SPPL2B: variants seen among roughly 807,000 people sequenced by gnomAD.
SPPL2B encodes the protein signal peptide peptidase-like 2B.
In SPPL2B, 39 loss-of-function variants were observed where a neutral mutation model predicts 59.7. The ratio of observed to expected loss-of-function variants is 0.65; its 90% CI spans 0.51 to 0.85. The LOEUF is 0.85. Ranked by LOEUF, SPPL2B falls within the 40% of genes least tolerant of loss-of-function variation. The pLI is 0.00. For synonymous variants in SPPL2B, 419 were observed against 370.8 expected, an observed-to-expected ratio of 1.13 and a Z score of -1.49; for missense variants, 865 against 849.0, an observed-to-expected ratio of 1.02 and a Z score of -0.23.
rs1463964927 is a variant in SPPL2B at position 2,340,590 on chromosome 19, T to C, written c.840-308T>C. ...CGGGGCTAGCCCAGGGGGAGACCTT[T>C]TTGTGTTGCCGTCCCTGGGTGAGGA... On this transcript the variant is annotated intron_variant, in intron 7 of 14. Coordinates refer to ENST00000613503, the MANE Select transcript of SPPL2B (RefSeq NM_152988.3). The C allele has an allele frequency of 6.2e-5, 33 of 533,772 alleles. No homozygotes were observed. The East Asian group carries it at 1.1e-3, about 18-fold the overall frequency. The allele number at this position is 533,772 out of a possible 1,614,324, so 33.1% of individuals were successfully genotyped here.
intron 9 of SPPL2B, 25 bp downstream of exon 9, chr19:2,343,317 C>CGGGGCAGCATGGGTAGTGGG: frequency 6.5e-7 from 1 of 1,539,928 alleles, no homozygotes; most frequent in Non-Finnish European, 8.8e-7. Flanking sequence ...GGCACGGCTG[C>CGGGGCAGCATGGGTAGTGGG]GGGGCAGCAT....
rs777747558 is a variant in SPPL2B at position 2,351,498 on chromosome 19, TCTC to T, written c.1423_1425del (p.Leu475del). 4 of 1,610,742 alleles carry T rather than the reference TCTC, an allele frequency of 2.5e-6. No homozygotes were observed. The highest frequency in any genetic ancestry group is 1.1e-5 in the South Asian group (1 of 91,060). On this transcript the variant is annotated inframe_deletion, in exon 14 of 15. Coordinates refer to ENST00000613503, the MANE Select transcript of SPPL2B (RefSeq NM_152988.3). Reference sequence around the variant, plus strand: ...CCCTGATGCAGCGTGGCCAGCCCGCTCTCCTCTACCTGGTGCCCTGCACGCTGG... The same window carrying T: ...CCCTGATGCAGCGTGGCCAGCCCGCTCTCTACCTGGTGCCCTGCACGCTGG...
At chr19:2,345,717 C>T (rs1393904693) in intron 13 of SPPL2B, among the ~76,000 whole-genome samples, 1 of 149,296 alleles carries the variant, frequency 6.7e-6, no homozygotes, top group Non-Finnish European at 1.5e-5. Context: ...GCCTGTGCCT[C>T]CGTCCCCGTC....
At chr19:2,344,973 C>T (rs1476544761) in intron 12 of SPPL2B, among the ~76,000 whole-genome samples, 1 of 152,132 alleles carries the variant, frequency 6.6e-6, no homozygotes, top group Non-Finnish European at 1.5e-5. Context: ...CATGTTGCTG[C>T]AGAAGGCAGA....
chr19:2,339,617 A>G (rs751244532), intron 5 of SPPL2B: 4 of 627,850 alleles, frequency 6.4e-6, no homozygotes, highest in Non-Finnish European at 1.1e-5. Context: ...ACCCCAGCTC[A>G]ACCCAGGGAC....
rs147448344 is a variant in SPPL2B, at chr19:2,345,870, C to T, written c.1354+540C>T. ...CTCATTCTCCCTGGGCCTGTGCCTCCGTCCCCGTCTTTCTCATTCTCCTTT... is the reference window on the plus strand; with the variant it reads ...CTCATTCTCCCTGGGCCTGTGCCTCTGTCCCCGTCTTTCTCATTCTCCTTT... On this transcript the variant is annotated intron_variant, in intron 13 of 14. Transcript: ENST00000613503. Among the ~76,000 whole-genome samples, 578 of 151,460 alleles carry T rather than the reference C, an allele frequency of 3.8e-3. 4 individuals are homozygous for T. Among genetic ancestry groups the T allele is most frequent in the African/African-American group, 0.013 (540 of 41,152 alleles).
intron 14 of SPPL2B, 95 bp from the exon 15 acceptor site, chr19:2,352,851 C>G: frequency 7.3e-7 from 1 of 1,377,478 alleles, no homozygotes; most frequent in Non-Finnish European, 1.0e-6. Flanking sequence ...TTGACCCTGC[C>G]CCCGTGGCCT....
intron 3 of SPPL2B, 36 bp downstream of exon 3, chr19:2,337,661 C>G: frequency 6.6e-7 from 1 of 1,507,946 alleles, no homozygotes; most frequent in South Asian, 1.3e-5. Flanking sequence ...GGCCAGCTCT[C>G]AGGGGCAGGA....
intron 1 of SPPL2B, among the ~76,000 whole-genome samples, chr19:2,329,810 A>G (rs942686811): frequency 2.6e-5 from 4 of 152,124 alleles, no homozygotes; most frequent in Non-Finnish European, 5.9e-5. Flanking sequence ...TCCAGTTGTG[A>G]CCTGGCTGCT....
chr19:2,352,074 C>T (rs939283535), intron 14 of SPPL2B, among the ~76,000 whole-genome samples: 1 of 152,150 alleles, frequency 6.6e-6, no homozygotes, highest in Non-Finnish European at 1.5e-5. Flanking sequence ...GTCCCCTGTC[C>T]CCCTTGGCAA....
chr19:2,343,416 C>A, intron 9 of SPPL2B, 124 bp downstream of exon 9: 2 of 812,916 alleles, frequency 2.5e-6, no homozygotes, highest in Non-Finnish European at 4.0e-6. Context: ...CTGGGGATGG[C>A]CGCCTAGGCC....
At chr19:2,349,700 C>G (rs559601449) in intron 13 of SPPL2B, among the ~76,000 whole-genome samples, 1 of 138,842 alleles carries the variant, frequency 7.2e-6, no homozygotes, top group African/African-American at 3.1e-5. Context: ...CGTTCTCTCT[C>G]CACACACACT....
Position 2,336,761 on chromosome 19 carries a change from G to A in SPPL2B, c.187-682G>A, listed in dbSNP as rs116166046. 7.1e-3 allele frequency among the ~76,000 whole-genome samples: 1,071 copies of A among 151,688 alleles called. 16 individuals are homozygous for A. Among genetic ancestry groups the A allele is most frequent in the African/African-American group, 0.023 (947 of 41,348 alleles). ...CCGGCCTGGCTGTGTATGTGTGCAC[G>A]TGTGTGTGCATGCACTCCAGCCTGG... is the stretch of plus-strand genomic sequence containing the variant. On this transcript the variant is annotated intron_variant, in intron 2 of 14. Transcript: ENST00000613503.
intron 4 of SPPL2B, 108 bp from the exon 5 acceptor site, chr19:2,338,961 C>T (rs888440330): frequency 2.3e-5 from 34 of 1,491,840 alleles, no homozygotes; most frequent in East Asian, 1.7e-4. Flanking sequence ...GAGGCGTGGC[C>T]CCTGCAGGCC....
intron 13 of SPPL2B, among the ~76,000 whole-genome samples, chr19:2,349,116 TCTCC>T (rs1321619273): frequency 1.5e-5 from 2 of 129,630 alleles, no homozygotes; most frequent in African/African-American, 6.2e-5. Flanking sequence ...GATTCCATTC[TCTCC>T]CTCCACACAC....
chr19:2,338,288 A>G (rs1054035142), intron 3 of SPPL2B: 2 of 156,486 alleles, frequency 1.3e-5, no homozygotes, highest in Admixed American at 6.4e-5. Flanking sequence ...GAGCCTGGCA[A>G]TCCACGGAGG....
intron 13 of SPPL2B, among the ~76,000 whole-genome samples, chr19:2,348,156 TTC>T (rs59723181): frequency 1.3e-4 from 3 of 23,686 alleles, no homozygotes; most frequent in South Asian, 3.0e-3. Context: ...CTTGATTCCG[TTC>T]TCTCTCCACA....
chr19:2,341,599 G>A (rs566416899), intron 8 of SPPL2B: 21 of 456,310 alleles, frequency 4.6e-5, no homozygotes, highest in East Asian at 1.4e-4. Flanking sequence ...GGTCCCCACC[G>A]CTGTCGCTGA....
chr19:2,331,105 C>G (rs189523905), intron 1 of SPPL2B, among the ~76,000 whole-genome samples: 1 of 152,316 alleles, frequency 6.6e-6, no homozygotes, highest in East Asian at 1.9e-4. Flanking sequence ...CAGTGAGACA[C>G]CTCCCTTCCC....
Sources: allele counts gnomAD v4.1 joint callset (sites outside exome capture counted in the v4.1 genomes callset), GRCh38; gene constraint gnomAD v4.1.1; transcripts MANE v1.5; gene names NCBI Gene and HGNC (gene_info 2026-07-23, HGNC 2026-07-21).